The following STK32A variants were observed in gnomAD, a reference collection of about 807,000 sequenced individuals.
The protein encoded by STK32A is serine/threonine-protein kinase 32A.
In STK32A, 41 loss-of-function variants were observed where a neutral mutation model predicts 53.2. That is an observed-to-expected ratio of 0.77 (90% CI 0.60 to 1.00). The LOEUF (loss-of-function observed/expected upper bound fraction) is 1.00. Ranked by LOEUF, STK32A falls within the 50% of genes least tolerant of loss-of-function variation. The pLI, the probability that STK32A is intolerant of heterozygous loss-of-function variation, is 0.00. For synonymous variants in STK32A, 166 were observed against 162.8 expected (o/e 1.02, Z -0.15); for missense variants, 458 against 485.8 (o/e 0.94, Z 0.54).
At chr5:147,391,613 T>C (rs1757806889), downstream of STK32A, 1 of 152,240 alleles carries the variant, frequency 6.6e-6, no homozygotes, top group African/African-American at 2.4e-5. Flanking sequence ...GGACTCACCA[T>C]TGTTTTCTTT....
intron 11 of STK32A, among the ~76,000 whole-genome samples, chr5:147,380,038 G>A (rs140093578): frequency 8.9e-4 from 135 of 152,176 alleles, no homozygotes; most frequent in African/African-American, 3.2e-3. Context: ...GGGTAATGGG[G>A]TCTGAAGTGT....
chr5:147,260,644 G>C (rs370622983), intron 2 of STK32A, among the ~76,000 whole-genome samples: 1 of 152,034 alleles, frequency 6.6e-6, no homozygotes, highest in Admixed American at 6.6e-5. Flanking sequence ...TGCTGGTCCC[G>C]GGAGGTTGAC....
intron 2 of STK32A, among the ~76,000 whole-genome samples, chr5:147,259,841 T>G (rs1018270760): frequency 2.7e-5 from 4 of 146,048 alleles, no homozygotes; most frequent in Non-Finnish European, 6.1e-5. Flanking sequence ...CTCTCTCCTC[T>G]GTCTCTCTCC....
chr5:147,287,960 T>C (rs961227735), intron 4 of STK32A, among the ~76,000 whole-genome samples: 5 of 152,122 alleles, frequency 3.3e-5, no homozygotes, highest in African/African-American at 1.2e-4. Flanking sequence ...ATTCTGTTCC[T>C]TTTTTTAAGA....
intron 2 of STK32A, among the ~76,000 whole-genome samples, chr5:147,277,162 C>T (rs1255814666): frequency 6.6e-6 from 1 of 152,052 alleles, no homozygotes; most frequent in South Asian, 2.1e-4. Context: ...AAATTATATA[C>T]CATTTAGTGT....
chr5:147,276,560 T>G (rs1368285), intron 2 of STK32A, among the ~76,000 whole-genome samples: 129,434 of 152,094 alleles, frequency 0.85, 55,523 homozygotes, highest in African/African-American at 0.94. Flanking sequence ...AGCTTAGTTT[T>G]ATTTATTTGC....
At chr5:147,373,611 G>C (rs969188643) in intron 10 of STK32A, among the ~76,000 whole-genome samples, 143 of 115,328 alleles carry the variant, frequency 1.2e-3, no homozygotes, top group African/African-American at 3.7e-3. Context: ...TGAATCTGCT[G>C]GGGTTTTTTT....
At chr5:147,335,176 G>A (rs1228333865) in intron 5 of STK32A, among the ~76,000 whole-genome samples, 2 of 152,090 alleles carry the variant, frequency 1.3e-5, no homozygotes, top group Admixed American at 6.5e-5. Flanking sequence ...ACTATACTAC[G>A]AGTTTTACAT....
chr5:147,392,149 T>C (rs1757828212), downstream of STK32A: 1 of 152,230 alleles, frequency 6.6e-6, no homozygotes, highest in South Asian at 2.1e-4. Flanking sequence ...CTGTTATTCT[T>C]AGTTCTCTGA....
chr5:147,378,840 C>CCT (rs1757336207), intron 11 of STK32A, among the ~76,000 whole-genome samples: 1 of 28,094 alleles, frequency 3.6e-5, no homozygotes, highest in Non-Finnish European at 7.4e-5. Context: ...TGCCTCCAGT[C>CCT]TTTTTTTTTT....
At chr5:147,270,147 C>T (rs1392904817) in intron 2 of STK32A, among the ~76,000 whole-genome samples, 1 of 152,060 alleles carries the variant, frequency 6.6e-6, no homozygotes, top group Non-Finnish European at 1.5e-5. Context: ...ATAAAAATCA[C>T]AAACCCAGAA....
At chr5:147,369,630 A>T (rs1756919813) in intron 8 of STK32A, among the ~76,000 whole-genome samples, 2 of 152,090 alleles carry the variant, frequency 1.3e-5, no homozygotes, top group South Asian at 4.1e-4. Flanking sequence ...ACCTCTTAAC[A>T]CTGATTTACT....
intron 4 of STK32A, among the ~76,000 whole-genome samples, chr5:147,309,502 C>A (rs188680822): frequency 6.6e-6 from 1 of 152,040 alleles, no homozygotes; most frequent in Non-Finnish European, 1.5e-5. Flanking sequence ...AATAGATCAC[C>A]AGTTCATTTT....
At chr5:147,289,995 A>G (rs1752525902) in intron 4 of STK32A, among the ~76,000 whole-genome samples, 1 of 152,162 alleles carries the variant, frequency 6.6e-6, no homozygotes, top group Admixed American at 6.5e-5. Context: ...CCCAAATATC[A>G]CGAGATATAT....
chr5:147,390,014 T>G (rs4642416), downstream of STK32A, among the ~76,000 whole-genome samples: 1 of 152,220 alleles, frequency 6.6e-6, no homozygotes, highest in Non-Finnish European at 1.5e-5. Context: ...CTGAACTTTA[T>G]AGTTGCACCA....
intron 7 of STK32A, among the ~76,000 whole-genome samples, chr5:147,360,153 A>G (rs1010017526): frequency 2.6e-5 from 4 of 152,134 alleles, no homozygotes; most frequent in African/African-American, 9.7e-5. Flanking sequence ...CTAACTCTAT[A>G]AAGATTGCCT....
chr5:147,325,313 TTA>T (rs71868616), intron 5 of STK32A, among the ~76,000 whole-genome samples: 13,638 of 147,292 alleles, frequency 0.093, 1,320 homozygotes, highest in African/African-American at 0.25. Context: ...TTTTAAACCT[TTA>T]TATATATATA....
At chr5:147,339,391 C>T (rs1316052142) in intron 5 of STK32A, among the ~76,000 whole-genome samples, 8 of 152,304 alleles carry the variant, frequency 5.3e-5, no homozygotes, top group Non-Finnish European at 7.3e-5. Flanking sequence ...CTAGATGTCC[C>T]GACAGAGTTG....
At chr5:147,256,844 C>A (rs1754259367) in intron 2 of STK32A, among the ~76,000 whole-genome samples, 1 of 151,984 alleles carries the variant, frequency 6.6e-6, no homozygotes, top group Non-Finnish European at 1.5e-5. Context: ...CAATAGCTAT[C>A]TTGGTCTTGT....
Sources: allele counts gnomAD v4.1 joint callset (sites outside exome capture counted in the v4.1 genomes callset), GRCh38; gene constraint gnomAD v4.1.1; transcripts MANE v1.5; gene names NCBI Gene and HGNC (gene_info 2026-07-23, HGNC 2026-07-21).